SHOC1: variants seen among roughly 807,000 people sequenced by gnomAD.
SHOC1 encodes protein shortage in chiasmata 1 ortholog.
A neutral mutation model predicts 179.2 loss-of-function variants in SHOC1; 136 were observed. The ratio of observed to expected loss-of-function variants is 0.76; its 90% CI spans 0.66 to 0.87. The LOEUF (loss-of-function observed/expected upper bound fraction) is 0.87. Among genes scored for constraint, SHOC1 ranks in the 40% least tolerant of loss-of-function variants. SHOC1 has a pLI of 0.00. For synonymous variants in SHOC1, 489 were observed against 586.6 expected (o/e 0.83, Z 2.41); for missense variants, 1,538 against 1,700.8 (o/e 0.90, Z 1.68).
intron 5 of SHOC1, among the ~76,000 whole-genome samples, chr9:111,772,085 C>A (rs1195481368): frequency 6.6e-6 from 1 of 151,828 alleles, no homozygotes; most frequent in Non-Finnish European, 1.5e-5. Flanking sequence ...AGTTTTTGTT[C>A]TTTTTCTTTC....
chr9:111,769,303 A>G (rs1835475039), intron 5 of SHOC1, among the ~76,000 whole-genome samples: 1 of 152,004 alleles, frequency 6.6e-6, no homozygotes, highest in South Asian at 2.1e-4. Flanking sequence ...CTCCTCTTCA[A>G]TTGTTTAGAA....
Position 111,691,683 on chromosome 9 carries a change from G to A in SHOC1, c.4294C>T (p.Arg1432Cys), listed in dbSNP as rs749344921. The A allele has an allele frequency of 5.6e-6, 9 of 1,613,956 alleles. No individual in the cohort carries two copies. Among genetic ancestry groups the A allele is most frequent in the East Asian group, 2.2e-5 (1 of 44,848 alleles). ...LPSVPSLDLFRASDSNANQKE... is the reference protein window; with the variant it reads ...LPSVPSLDLFCASDSNANQKE... ...TGATTTGCATTAGAATCAGAAGCAC[G>A]AAATAAATCCAAACTGGGGACAGAT... The change falls in exon 27 of 28, where the codon CGT (arginine) becomes TGT (cysteine). Residue 1432 changes from arginine (R) to cysteine (C), a missense_variant. Transcript: ENST00000682961.
At chr9:111,738,123 C>G in intron 12 of SHOC1, 157 bp downstream of exon 12, 1 of 554,668 alleles carries the variant, frequency 1.8e-6, no homozygotes, top group South Asian at 3.3e-5. Flanking sequence ...AAAATGGGAC[C>G]TAGAGAAATC....
At chr9:111,746,129 T>C (rs1834266300) in intron 10 of SHOC1, 105 bp downstream of exon 10, 1 of 650,976 alleles carries the variant, frequency 1.5e-6, no homozygotes, top group Non-Finnish European at 2.6e-6. Context: ...AGCTCTTAAA[T>C]TTTTTCATAG....
At position 111,686,682 on chromosome 9, in the gene SHOC1, T is replaced by C; in HGVS notation, c.*88A>G. 1.3e-6 allele frequency: 1 copy of C among 798,810 alleles called. No individual in the cohort carries two copies. Among genetic ancestry groups the C allele is most frequent in the Non-Finnish European group, 2.1e-6 (1 of 468,242 alleles). The allele number at this position is 798,810 out of a possible 1,614,324, so 49.5% of individuals were successfully genotyped here. Reference sequence around the variant, plus strand: ...CATATATGAACAATTGTGTTTTCTTTAGTGTATGAGCAAATCTAAATAATT... The same window carrying C: ...CATATATGAACAATTGTGTTTTCTTCAGTGTATGAGCAAATCTAAATAATT... On this transcript the variant is annotated 3_prime_UTR_variant, in exon 28 of 28. Coordinates refer to ENST00000682961, the MANE Select transcript of SHOC1 (RefSeq NM_001378211.1).
rs1276346881 is a variant in SHOC1, at chr9:111,794,290, AAT to A, written c.-37+608_-37+609del. 5.0e-3 allele frequency among the ~76,000 whole-genome samples: 612 copies of A among 121,918 alleles called. 3 individuals are homozygous for A. The highest frequency in any genetic ancestry group is 7.1e-3 in the Non-Finnish European group (381 of 53,404). The allele number at this position is 121,918 out of a possible 152,430, so 80.0% of individuals were successfully genotyped here. Reference sequence around the variant, plus strand: ...ATAAAAACCCACTTAAAAAAAAAAAAATAATAAGATCCGCCGGAAGTGGTGGC... The same window carrying A: ...ATAAAAACCCACTTAAAAAAAAAAAAAATAAGATCCGCCGGAAGTGGTGGC... On this transcript the variant is annotated intron_variant, in intron 1 of 27. Transcript: ENST00000682961.
intron 18 of SHOC1, among the ~76,000 whole-genome samples, chr9:111,709,081 C>G (rs1488164804): frequency 6.6e-6 from 1 of 152,218 alleles, no homozygotes; most frequent in Non-Finnish European, 1.5e-5. Flanking sequence ...TGGCTCACGC[C>G]TGTAATCCCA....
chr9:111,705,317 T>C lies in SHOC1; in HGVS notation c.2785A>G (p.Ile929Val). ...RFGGFLLEIQIPYVFFASEGL... is the reference protein window; with the variant it reads ...RFGGFLLEIQVPYVFFASEGL... ...TCAGATGCAAAAAACACATATGGAA[T>C]CTGAATTTCCAAAAGAAAACCTCCA... Residue 929 changes from isoleucine to valine, a missense_variant, in exon 21 of 28, where the codon ATT (isoleucine) becomes GTT (valine). By Grantham distance (29) the Ile-to-Val change is conservative (BLOSUM62 3). Transcript: ENST00000682961. The C allele has an allele frequency of 6.3e-7, 1 of 1,592,780 alleles. No individual in the cohort carries two copies. The highest frequency in any genetic ancestry group is 8.5e-7 in the Non-Finnish European group (1 of 1,169,948).
In SHOC1 at chr9:111,781,750, A is replaced by T. The variant is rs867978641; in HGVS notation, c.170-733T>A. On this transcript the variant is annotated intron_variant, in intron 3 of 27. Transcript: ENST00000682961. The stretch of plus-strand genomic sequence containing the variant: ...TAAATAAATAAATAAATAAATAAAT[A>T]AATTTGTATGTGTACATAGCTTATC... Among the ~76,000 whole-genome samples, 144 of 151,000 alleles carry T rather than the reference A, an allele frequency of 9.5e-4. 1 individual carries two copies. Among genetic ancestry groups the T allele is most frequent in the African/African-American group, 2.6e-3 (106 of 41,082 alleles).
rs72047905 is a variant in SHOC1 at position 111,705,162 on chromosome 9, AATAT to A, written c.2855+81_2855+84del. ...TACAGCATAATATTTAGCCTATCAG[AATAT>A]ATATACACACACACACACACACACA... On this transcript the variant is annotated intron_variant, in intron 21 of 27. Transcript: ENST00000682961. 5.4e-3 allele frequency: 1,483 copies of A among 276,254 alleles called. 15 individuals are homozygous for A. The highest frequency in any genetic ancestry group is 7.1e-3 in the Non-Finnish European group (1,159 of 163,888). The allele number at this position is 276,254 out of a possible 1,614,324, so 17.1% of individuals were successfully genotyped here. A position where few individuals can be genotyped will look rare whatever the true frequency, so the allele number is the denominator to read the frequency against.
intron 24 of SHOC1, among the ~76,000 whole-genome samples, chr9:111,694,826 A>G (rs1831616942): frequency 6.6e-6 from 1 of 152,126 alleles, no homozygotes; most frequent in South Asian, 2.1e-4. Flanking sequence ...TTGATGTTGT[A>G]TTCAAAAAAG....
chr9:111,747,051 G>T (rs4246888), intron 9 of SHOC1, among the ~76,000 whole-genome samples: 90,846 of 151,936 alleles, frequency 0.6, 27,625 homozygotes, highest in East Asian at 0.89. Flanking sequence ...AATTATTAGT[G>T]ATGTTAAACA....
intron 14 of SHOC1, 146 bp downstream of exon 14, chr9:111,723,646 A>C: frequency 1.2e-6 from 1 of 802,836 alleles, no homozygotes; most frequent in Non-Finnish European, 2.0e-6. Context: ...CCAGATTGGG[A>C]TATAACTTGA....
At chr9:111,713,810 G>A (rs1244144813) in intron 17 of SHOC1, among the ~76,000 whole-genome samples, 1 of 152,076 alleles carries the variant, frequency 6.6e-6, no homozygotes, top group South Asian at 2.1e-4. Context: ...TTGATGTAGG[G>A]TAGGCAAATA....
intron 17 of SHOC1, among the ~76,000 whole-genome samples, chr9:111,713,712 A>G (rs1589395870): frequency 6.6e-6 from 1 of 152,362 alleles, no homozygotes; most frequent in South Asian, 2.1e-4. Context: ...CTGGATTTTT[A>G]GTGTAAACTA....
Position 111,686,780 on chromosome 9 carries a change from C to T in SHOC1, c.4517G>A (p.Arg1506Lys). 1.9e-6 allele frequency: 3 copies of T among 1,611,334 alleles called. No individual in the cohort carries two copies. The highest frequency in any genetic ancestry group is 2.5e-6 in the Non-Finnish European group (3 of 1,177,894). ...TGCTCTTCTCCTCCTTCAAAAAAAC[C>T]TCAGCCGAGTCTGCCCATCAACTCT... ...PGRVDGQTRLRFF is the reference protein window; with the variant it reads ...PGRVDGQTRLKFF The change falls in exon 28 of 28, where the codon AGG becomes AAG. Residue 1506 changes from arginine (R) to lysine (K), a missense_variant. Coordinates refer to ENST00000682961, the MANE Select transcript of SHOC1 (RefSeq NM_001378211.1).
intron 13 of SHOC1, among the ~76,000 whole-genome samples, chr9:111,726,955 T>A (rs1833321276): frequency 6.6e-6 from 1 of 152,180 alleles, no homozygotes; most frequent in South Asian, 2.1e-4. Flanking sequence ...ATATCAAAAG[T>A]TTCCAATATC....
intron 17 of SHOC1, among the ~76,000 whole-genome samples, chr9:111,714,197 T>A (rs1225378154): frequency 6.6e-6 from 1 of 152,096 alleles, no homozygotes; most frequent in African/African-American, 2.4e-5. Flanking sequence ...AAATTTTTTT[T>A]ATAGAGACAA....
chr9:111,705,472 A>G, intron 20 of SHOC1, 108 bp from the exon 21 acceptor site: 1 of 464,898 alleles, frequency 2.2e-6, no homozygotes, highest in South Asian at 5.4e-5. Flanking sequence ...TATAAAAATA[A>G]TATTCAATGT....
Sources: gnomAD v4.1 joint callset for allele counts (sites outside exome capture counted in the v4.1 genomes callset) on GRCh38, gnomAD v4.1.1 for gene constraint, MANE v1.5 for transcripts, NCBI Gene and HGNC (gene_info 2026-07-23, HGNC 2026-07-21) for gene names.